Variants in KLF12 observed in about 807,000 individuals in gnomAD.
KLF12 encodes the protein Krueppel-like factor 12.
A neutral mutation model predicts 37.8 loss-of-function variants in KLF12; 9 were observed. The ratio of observed to expected loss-of-function variants is 0.24; its 90% CI spans 0.14 to 0.42. The LOEUF is 0.42. Ranked by LOEUF, KLF12 falls within the 10% of genes least tolerant of loss-of-function variation. The pLI, the probability that KLF12 is intolerant of heterozygous loss-of-function variation, is 1.00. For missense variants in KLF12, 411 were observed against 516.0 expected (o/e 0.80, Z 1.97); for synonymous variants, 208 against 202.1 (o/e 1.03, Z -0.25).
chr13:74,066,257 CTT>C, intron 1 of KLF12, among the ~76,000 whole-genome samples: 1 of 152,294 alleles, frequency 6.6e-6, no homozygotes, highest in South Asian at 2.1e-4. Flanking sequence ...ATTATGAACA[CTT>C]GTTTTCTTAA....
intron 6 of KLF12, among the ~76,000 whole-genome samples, chr13:73,744,821 A>G (rs1208843562): frequency 6.6e-6 from 1 of 152,200 alleles, no homozygotes; most frequent in Non-Finnish European, 1.5e-5. Context: ...GAGCATACGC[A>G]TGTCTCTACA....
chr13:73,916,824 G>A (rs572595258), intron 3 of KLF12, among the ~76,000 whole-genome samples: 11 of 152,208 alleles, frequency 7.2e-5, no homozygotes, highest in African/African-American at 2.6e-4. Flanking sequence ...TGAGGAATTG[G>A]GATGTCTGCA....
At chr13:73,876,152 TA>T (rs66733197) in intron 3 of KLF12, among the ~76,000 whole-genome samples, 8,601 of 119,978 alleles carry the variant, frequency 0.072, 269 homozygotes, top group African/African-American at 0.13. Flanking sequence ...TCAGCTAAAA[TA>T]AAAAAAAAAA....
In KLF12 at chr13:73,994,997, G is replaced by A. The variant is rs185300395; in HGVS notation, c.26C>T (p.Thr9Ile). 15 of 1,599,918 alleles carry A rather than the reference G, an allele frequency of 9.4e-6. No homozygotes were observed. In the Admixed American group the frequency reaches 2.5e-4, roughly 27 times the overall value. ...AACATCTGACTAACCAACCTTTATT[G>A]TTTTTCTCTTCATATGGATATTCAT... The change falls in exon 2 of 8, where the codon ACA becomes ATA. Residue 9 changes from threonine (T) to isoleucine (I), a missense_variant. Thr to Ile is a moderately conservative substitution (Grantham distance 89). Coordinates refer to ENST00000377669, the MANE Select transcript of KLF12 (RefSeq NM_007249.5).
intron 3 of KLF12, among the ~76,000 whole-genome samples, chr13:73,903,202 GT>G (rs1319792926): frequency 6.6e-6 from 1 of 151,960 alleles, no homozygotes; most frequent in Non-Finnish European, 1.5e-5. Context: ...AGCAATGCTG[GT>G]TTTTTTTAAA....
chr13:73,762,613 C>T (rs1007808347), intron 6 of KLF12, among the ~76,000 whole-genome samples: 1 of 152,102 alleles, frequency 6.6e-6, no homozygotes, highest in African/African-American at 2.4e-5. Context: ...TTCTCAAATA[C>T]AGTGTTTGCG....
At chr13:73,904,059 G>C (rs940193891) in intron 3 of KLF12, among the ~76,000 whole-genome samples, 1 of 152,152 alleles carries the variant, frequency 6.6e-6, no homozygotes, top group Non-Finnish European at 1.5e-5. Context: ...ACCATAATCA[G>C]ACATTTTTAA....
chr13:73,784,115 T>C (rs1449991283), intron 5 of KLF12, among the ~76,000 whole-genome samples: 1 of 152,210 alleles, frequency 6.6e-6, no homozygotes, highest in Admixed American at 6.5e-5. Context: ...ACAGACTCCC[T>C]TTAAATTAAA....
rs1025826451 is a variant in KLF12 at position 73,786,533 on chromosome 13, A to G, written c.807-21533T>C. The stretch of plus-strand genomic sequence containing the variant: ...ATAGGGCTTCAGCTTACACTATCCC[A>G]CTCATCAGAAATGCCTTTCTCTGCC... On this transcript the variant is annotated intron_variant, in intron 5 of 7. Transcript: ENST00000377669. Among the ~76,000 whole-genome samples, 9 of 151,804 alleles carry G rather than the reference A, an allele frequency of 5.9e-5. No homozygotes were observed. The South Asian group carries it at 1.7e-3, about 28-fold the overall frequency.
intron 5 of KLF12, among the ~76,000 whole-genome samples, chr13:73,775,188 G>A (rs1397628194): frequency 1.3e-5 from 2 of 152,076 alleles, no homozygotes; most frequent in East Asian, 3.9e-4. Context: ...AAAGTGTTAG[G>A]ATTACAGGCA....
At chr13:74,006,533 A>G (rs1892413715) in intron 1 of KLF12, among the ~76,000 whole-genome samples, 1 of 152,196 alleles carries the variant, frequency 6.6e-6, no homozygotes, top group African/African-American at 2.4e-5. Flanking sequence ...ATCTTATTGT[A>G]CGTCTGGAAT....
At chr13:74,122,321 A>C (rs1877676733) in intron 1 of KLF12, among the ~76,000 whole-genome samples, 1 of 152,128 alleles carries the variant, frequency 6.6e-6, no homozygotes, top group African/African-American at 2.4e-5. Flanking sequence ...ACATCACAAA[A>C]GATGTTCAAA....
Position 73,791,212 on chromosome 13 carries a change from T to C in KLF12, c.806+21940A>G, listed in dbSNP as rs926541848. Among the ~76,000 whole-genome samples the C allele has an allele frequency of 3.3e-5, 5 of 152,232 alleles. No individual in the cohort carries two copies. The East Asian group carries it at 9.6e-4, about 29-fold the overall frequency. On this transcript the variant is annotated intron_variant, in intron 5 of 7. Coordinates refer to ENST00000377669, the MANE Select transcript of KLF12 (RefSeq NM_007249.5). ...AATTTGTATAGGCAGAGTAAAAATC[T>C]TTACTAGAGTTTACTAATACAAGTG...
chr13:74,072,364 AATATATATATATATATATATATAT>A (rs773653636), intron 1 of KLF12, among the ~76,000 whole-genome samples: 662 of 63,068 alleles, frequency 0.01, 27 homozygotes, highest in South Asian at 0.017. Flanking sequence ...AAGAAATACA[AATATATATATATATATATATATAT>A]ATATATATAT....
intron 5 of KLF12, among the ~76,000 whole-genome samples, chr13:73,785,590 A>G (rs1037006244): frequency 2.0e-5 from 3 of 151,764 alleles, no homozygotes; most frequent in African/African-American, 7.2e-5. Flanking sequence ...AACCAAACTT[A>G]TATACCAAAT....
intron 5 of KLF12, among the ~76,000 whole-genome samples, chr13:73,773,468 T>A (rs1311395476): frequency 6.6e-6 from 1 of 152,154 alleles, no homozygotes; most frequent in Admixed American, 6.5e-5. Flanking sequence ...TGAGCAGTCA[T>A]TAACACCAGT....
At chr13:74,190,084 T>C in the KLF12 span, among the ~76,000 whole-genome samples, 1 of 152,096 alleles carries the variant, frequency 6.6e-6, no homozygotes, top group Non-Finnish European at 1.5e-5. Context: ...TGCTTGAGAG[T>C]ATATTTTTAG....
intron 2 of KLF12, among the ~76,000 whole-genome samples, chr13:73,988,398 T>C (rs532810704): frequency 2.6e-5 from 4 of 152,226 alleles, no homozygotes; most frequent in Non-Finnish European, 5.9e-5. Flanking sequence ...TCTGCCCATC[T>C]CTGAGATAAT....
the KLF12 span, among the ~76,000 whole-genome samples, chr13:74,294,757 A>G: frequency 6.6e-6 from 1 of 152,110 alleles, no homozygotes; most frequent in African/African-American, 2.4e-5. Flanking sequence ...TTTTGAGTCT[A>G]AGAAATATTT....
Sources: allele counts gnomAD v4.1 joint callset (sites outside exome capture counted in the v4.1 genomes callset), GRCh38; gene constraint gnomAD v4.1.1; transcripts MANE v1.5; gene names NCBI Gene and HGNC (gene_info 2026-07-23, HGNC 2026-07-21).